KCNU1: variants seen among roughly 807,000 people sequenced by gnomAD.
The protein encoded by KCNU1 is potassium channel subfamily U member 1.
Under a neutral mutation model 126.8 loss-of-function variants are expected in KCNU1, and 93 were observed. The observed-to-expected ratio is 0.73, with a 90% CI of 0.62 to 0.87. The LOEUF (loss-of-function observed/expected upper bound fraction) is 0.87. Among genes scored for constraint, KCNU1 ranks in the 40% least tolerant of loss-of-function variants. KCNU1 has a pLI of 0.00. For synonymous variants in KCNU1, 523 were observed against 494.2 expected (o/e 1.06, Z -0.77); for missense variants, 1,330 against 1,367.1 (o/e 0.97, Z 0.43).
At chr8:36,809,264 A>G (rs1803620779) in intron 7 of KCNU1, among the ~76,000 whole-genome samples, 2 of 152,154 alleles carry the variant, frequency 1.3e-5, no homozygotes, top group Admixed American at 1.3e-4. Context: ...CTTTGCCTGT[A>G]GGAAAGTCTG....
intron 10 of KCNU1, among the ~76,000 whole-genome samples, 181 bp from the exon 11 acceptor site, chr8:36,833,369 CTAAA>C (rs1164676396): frequency 1.3e-5 from 2 of 152,030 alleles, no homozygotes; most frequent in Non-Finnish European, 2.9e-5. Flanking sequence ...GTTTTTTAAA[CTAAA>C]TAGTGAACTT....
chr8:36,824,739 T>A (rs10092458), intron 10 of KCNU1, among the ~76,000 whole-genome samples: 8,170 of 152,254 alleles, frequency 0.054, 770 homozygotes, highest in African/African-American at 0.19. Context: ...TTTTTAAATG[T>A]GTATAAATGG....
chr8:36,823,785 G>A (rs1804214163), intron 10 of KCNU1, among the ~76,000 whole-genome samples: 1 of 148,836 alleles, frequency 6.7e-6, no homozygotes, highest in Non-Finnish European at 1.5e-5. Context: ...ATGCCAGAAT[G>A]TTTATTCACG....
intron 10 of KCNU1, among the ~76,000 whole-genome samples, chr8:36,821,885 G>T (rs963935767): frequency 3.3e-5 from 5 of 152,114 alleles, no homozygotes. Flanking sequence ...AGGCTAATGT[G>T]AGTGTTCTGA....
chr8:36,868,386 T>A (rs1417747385), intron 19 of KCNU1, among the ~76,000 whole-genome samples: 1 of 152,046 alleles, frequency 6.6e-6, no homozygotes, highest in African/African-American at 2.4e-5. Context: ...GGAAAAAAAA[T>A]GTAAAGTATG....
At position 36,924,935 on chromosome 8, in the gene KCNU1, G is replaced by A. The variant is rs115054444; in HGVS notation, c.2736+2306G>A. Among the ~76,000 whole-genome samples the A allele has an allele frequency of 2.6e-3, 402 of 152,300 alleles. 2 individuals carry two copies. The highest frequency in any genetic ancestry group is 9.4e-3 in the African/African-American group (391 of 41,574). The stretch of plus-strand genomic sequence containing the variant: ...TTATTTAGAGTTGATCAGAAGGGCA[G>A]GATGGACAGGGAAGGGCTGGAAGAG... On this transcript the variant is annotated intron_variant, in intron 24 of 26. Transcript: ENST00000399881.
chr8:36,820,256 C>A (rs1009327372), intron 10 of KCNU1, among the ~76,000 whole-genome samples: 6 of 152,088 alleles, frequency 3.9e-5, no homozygotes, highest in African/African-American at 1.4e-4. Context: ...TCTATAATTT[C>A]TAGGATGGTT....
chr8:36,868,064 G>A (rs1194448350), intron 19 of KCNU1, among the ~76,000 whole-genome samples: 2 of 152,156 alleles, frequency 1.3e-5, no homozygotes, highest in Admixed American at 6.6e-5. Context: ...CGAGAGCCAC[G>A]CTTCAGAGTT....
intron 3 of KCNU1, among the ~76,000 whole-genome samples, chr8:36,804,571 G>A (rs557403892): frequency 6.6e-6 from 1 of 152,172 alleles, no homozygotes; most frequent in African/African-American, 2.4e-5. Flanking sequence ...TCCTCTGAAA[G>A]CATCCCCTCC....
At chr8:36,931,208 G>C in intron 25 of KCNU1, 63 bp downstream of exon 25, 6 of 1,241,594 alleles carry the variant, frequency 4.8e-6, no homozygotes, top group Non-Finnish European at 6.7e-6. Flanking sequence ...TTCTGAAAAT[G>C]GTCCAGGCTA....
intron 18 of KCNU1, among the ~76,000 whole-genome samples, chr8:36,852,540 T>C (rs542959880): frequency 1.2e-3 from 178 of 152,282 alleles, no homozygotes; most frequent in Non-Finnish European, 2.1e-3. Context: ...TTACAAGTTA[T>C]AAGTTTTTCA....
rs576143405 is a variant in KCNU1, at chr8:36,808,868, T to G, written c.732+75T>G. On this transcript the variant is annotated intron_variant, in intron 7 of 26. Coordinates refer to ENST00000399881, the MANE Select transcript of KCNU1 (RefSeq NM_001031836.3). ...ATTTTTTGAAAAATGGAAGGGAACC[T>G]GCTGAGCCCCTGTCTCCATCACTGT... The G allele has an allele frequency of 1.1e-5, 11 of 1,021,754 alleles. No individual in the cohort carries two copies. In the East Asian group the frequency reaches 2.3e-4, roughly 21 times the overall value. The allele number at this position is 1,021,754 out of a possible 1,614,324, so 63.3% of individuals were successfully genotyped here.
chr8:36,818,209 G>C (rs1803991957), intron 10 of KCNU1, among the ~76,000 whole-genome samples: 1 of 152,080 alleles, frequency 6.6e-6, no homozygotes, highest in Admixed American at 6.6e-5. Flanking sequence ...TCAAGCACTA[G>C]GAAATACATA....
In KCNU1 at chr8:36,784,511, C is replaced by A. The variant is rs766092649; in HGVS notation, c.101C>A (p.Thr34Asn). Residue 34 changes from threonine (T) to asparagine (N), a missense_variant, in exon 1 of 27, where the codon ACC (threonine) becomes AAC (asparagine). Coordinates refer to ENST00000399881, the MANE Select transcript of KCNU1 (RefSeq NM_001031836.3). ...GCATTCATTCTCTCTTCCTTTGTGA[C>A]CTTCTTCAGTGGACTCATCATCCTG... ...QAAFILSSFV[T>N]FFSGLIILLI... 3.7e-6 allele frequency: 6 copies of A among 1,613,678 alleles called. No individual in the cohort carries two copies. In the Admixed American group the frequency reaches 5.0e-5, roughly 13 times the overall value.
chr8:36,894,577 G>A (rs1807107536), intron 19 of KCNU1, among the ~76,000 whole-genome samples: 1 of 152,042 alleles, frequency 6.6e-6, no homozygotes, highest in African/African-American at 2.4e-5. Flanking sequence ...AGTTGTGAGT[G>A]GTTTCTCTCA....
At chr8:36,911,184 T>C (rs1189546061) in intron 22 of KCNU1, 65 bp downstream of exon 22, 14 of 1,286,660 alleles carry the variant, frequency 1.1e-5, no homozygotes, top group Non-Finnish European at 1.5e-5. Context: ...AATTAACTCC[T>C]CTTTGAAGTA....
chr8:36,826,530 C>G (rs1027129907), intron 10 of KCNU1, among the ~76,000 whole-genome samples: 3 of 151,922 alleles, frequency 2.0e-5, no homozygotes, highest in African/African-American at 7.3e-5. Flanking sequence ...AATTTCTTAC[C>G]CTCTCTTTTG....
At chr8:36,924,578 G>A (rs976372624) in intron 24 of KCNU1, among the ~76,000 whole-genome samples, 5 of 152,164 alleles carry the variant, frequency 3.3e-5, no homozygotes, top group Non-Finnish European at 7.3e-5. Flanking sequence ...GGCTCCTAAA[G>A]AGTTAAGCAG....
At chr8:36,911,572 C>T (rs1407777729) in intron 22 of KCNU1, among the ~76,000 whole-genome samples, 1 of 152,054 alleles carries the variant, frequency 6.6e-6, no homozygotes, top group Non-Finnish European at 1.5e-5. Flanking sequence ...TTCTCTTTTA[C>T]TTTTTGAGAT....
Sources: allele counts gnomAD v4.1 joint callset (sites outside exome capture counted in the v4.1 genomes callset), GRCh38; gene constraint gnomAD v4.1.1; transcripts MANE v1.5; gene names NCBI Gene and HGNC (gene_info 2026-07-23, HGNC 2026-07-21).